The following TMEM131 variants were observed in gnomAD, a reference collection of about 807,000 sequenced individuals.
The protein encoded by TMEM131 is transmembrane protein 131, also known as 2610524E03Rik.
Under a neutral mutation model 211.6 loss-of-function variants are expected in TMEM131, and 66 were observed. The observed-to-expected ratio is 0.31, with a 90% CI of 0.26 to 0.38. The LOEUF is 0.38. Ranked by LOEUF, TMEM131 falls within the 10% of genes least tolerant of loss-of-function variation. The pLI is 1.00. For synonymous variants in TMEM131, 844 were observed against 841.3 expected (o/e 1.00, Z -0.06); for missense variants, 2,036 against 2,299.3 (o/e 0.89, Z 2.34).
intron 1 of TMEM131, among the ~76,000 whole-genome samples, chr2:97,973,036 C>T (rs1020586609): frequency 5.3e-5 from 8 of 152,158 alleles, no homozygotes; most frequent in African/African-American, 1.9e-4. Context: ...TACATACGGA[C>T]TTCTGATCTC....
Position 97,814,019 on chromosome 2 carries a change from A to G in TMEM131, c.1569T>C (p.Asn523=), listed in dbSNP as rs1413204328. The change falls in exon 15 of 41, where the codon AAT becomes AAC. Residue 523 remains asparagine, a synonymous_variant. Transcript: ENST00000186436. ...GCACGGGTAAATGAAATTTAGAAGC[A>G]TTGGTAATAAGTAAAATGTTGTTAT... is the stretch of plus-strand genomic sequence containing the variant. ...HIDNNILLIT[N]ASKFHLPVRV... The G allele has an allele frequency of 1.2e-6, 2 of 1,600,474 alleles. No homozygotes were observed. Among genetic ancestry groups the G allele is most frequent in the Admixed American group, 1.7e-5 (1 of 58,010 alleles).
chr2:97,867,659 C>T (rs1203767156), intron 4 of TMEM131, among the ~76,000 whole-genome samples: 1 of 152,184 alleles, frequency 6.6e-6, no homozygotes, highest in African/African-American at 2.4e-5. Context: ...GATACAGCAT[C>T]TGTCCTAGAG....
intron 4 of TMEM131, among the ~76,000 whole-genome samples, chr2:97,882,999 G>C (rs1313640745): frequency 1.3e-5 from 2 of 152,076 alleles, no homozygotes; most frequent in African/African-American, 4.8e-5. Context: ...TCGGGGTGTC[G>C]GCATGGTTGG....
At chr2:97,927,595 T>C (rs6707719) in intron 1 of TMEM131, 108 bp from the exon 2 acceptor site, 278,500 of 815,076 alleles carry the variant, frequency 0.34, 50,702 homozygotes, top group Middle Eastern at 0.46. Flanking sequence ...AAAAATGGAC[T>C]GCTTAATGGT....
chr2:97,799,300 AT>A (rs1365913041), intron 25 of TMEM131, among the ~76,000 whole-genome samples: 1 of 152,080 alleles, frequency 6.6e-6, no homozygotes, highest in Admixed American at 6.5e-5. Flanking sequence ...CGATTATGCC[AT>A]AAAAACTTCA....
chr2:97,843,688 A>C (rs1199307054), intron 6 of TMEM131, among the ~76,000 whole-genome samples: 2 of 152,190 alleles, frequency 1.3e-5, no homozygotes, highest in African/African-American at 4.8e-5. Context: ...ATAATGGCTG[A>C]TATACAAAAA....
chr2:97,979,838 G>A (rs1679707540), intron 1 of TMEM131, among the ~76,000 whole-genome samples: 1 of 152,184 alleles, frequency 6.6e-6, no homozygotes, highest in African/African-American at 2.4e-5. Context: ...CAACTTGGCT[G>A]TTTGGTACGA....
chr2:97,905,617 A>G (rs1676035549), intron 3 of TMEM131, among the ~76,000 whole-genome samples: 1 of 152,060 alleles, frequency 6.6e-6, no homozygotes, highest in Non-Finnish European at 1.5e-5. Context: ...CTTCAAACTC[A>G]CTAAGCTTTT....
intron 1 of TMEM131, among the ~76,000 whole-genome samples, chr2:97,962,043 A>G (rs1235512691): frequency 6.6e-6 from 1 of 152,236 alleles, no homozygotes; most frequent in Non-Finnish European, 1.5e-5. Context: ...ATAAACAGCT[A>G]AAACTATAAT....
intron 4 of TMEM131, among the ~76,000 whole-genome samples, chr2:97,863,655 A>G (rs1021560266): frequency 6.6e-6 from 1 of 152,216 alleles, no homozygotes; most frequent in African/African-American, 2.4e-5. Context: ...AAAATGCTCA[A>G]TATGACTATC....
At chr2:97,836,547 A>G (rs1682949472) in intron 8 of TMEM131, among the ~76,000 whole-genome samples, 1 of 152,232 alleles carries the variant, frequency 6.6e-6, no homozygotes, top group Non-Finnish European at 1.5e-5. Context: ...TAATATTGTT[A>G]AATATTCAAC....
chr2:97,952,339 T>A (rs985099136), intron 1 of TMEM131, among the ~76,000 whole-genome samples: 1 of 152,086 alleles, frequency 6.6e-6, no homozygotes, highest in Non-Finnish European at 1.5e-5. Context: ...TTCCCAAATT[T>A]GGTGAAAGAC....
chr2:97,820,870 C>A (rs1462028805), intron 11 of TMEM131, among the ~76,000 whole-genome samples: 1 of 150,702 alleles, frequency 6.6e-6, no homozygotes, highest in Non-Finnish European at 1.5e-5. Flanking sequence ...AAAAAAAAAG[C>A]AGCCCAGCCA....
Position 97,809,675 on chromosome 2 carries a change from T to C in TMEM131, c.2055+13A>G, listed in dbSNP as rs1321715517. The C allele has an allele frequency of 6.2e-7, 1 of 1,601,694 alleles. No homozygotes were observed. Among genetic ancestry groups the C allele is most frequent in the African/African-American group, 1.3e-5 (1 of 74,838 alleles). On this transcript the variant is annotated intron_variant, in intron 19 of 40. Coordinates refer to ENST00000186436, the MANE Select transcript of TMEM131 (RefSeq NM_015348.2). The stretch of plus-strand genomic sequence containing the variant: ...AACGAGCAATAGAAAAATGTGTGTA[T>C]TAATGGTCTTACTGGAAAGGAAGGT...
intron 1 of TMEM131, among the ~76,000 whole-genome samples, chr2:97,956,279 C>T (rs1293399699): frequency 6.6e-6 from 1 of 152,106 alleles, no homozygotes; most frequent in Non-Finnish European, 1.5e-5. Flanking sequence ...ATAAATGGTG[C>T]TAGAGCAACT....
chr2:97,856,476 T>C (rs1376144102), intron 5 of TMEM131, among the ~76,000 whole-genome samples: 1 of 152,218 alleles, frequency 6.6e-6, no homozygotes, highest in African/African-American at 2.4e-5. Flanking sequence ...AAAACTTAGT[T>C]TGAACAATAA....
intron 4 of TMEM131, among the ~76,000 whole-genome samples, chr2:97,880,590 G>A (rs1291022687): frequency 6.6e-6 from 1 of 152,138 alleles, no homozygotes; most frequent in Admixed American, 6.5e-5. Flanking sequence ...GAGGAATCCA[G>A]GAAGCCTGAA....
At chr2:97,910,127 C>T (rs922737643) in intron 2 of TMEM131, among the ~76,000 whole-genome samples, 1 of 152,090 alleles carries the variant, frequency 6.6e-6, no homozygotes, top group Non-Finnish European at 1.5e-5. Context: ...TTAAAAGATG[C>T]TCAACATCAC....
At chr2:97,927,608 TG>T in intron 1 of TMEM131, 121 bp from the exon 2 acceptor site, 1 of 683,902 alleles carries the variant, frequency 1.5e-6, no homozygotes. Flanking sequence ...TTAATGGTGA[TG>T]GTTGAAAAGA....
Sources: gnomAD v4.1 joint callset for allele counts (sites outside exome capture counted in the v4.1 genomes callset) on GRCh38, gnomAD v4.1.1 for gene constraint, MANE v1.5 for transcripts, NCBI Gene and HGNC (gene_info 2026-07-23, HGNC 2026-07-21) for gene names.